DDX60: variants seen among roughly 807,000 people sequenced by gnomAD.
The protein encoded by DDX60 is DExD/H-box helicase 60.
A neutral mutation model predicts 212.8 loss-of-function variants in DDX60; 165 were observed. The observed-to-expected ratio is 0.78, with a 90% CI of 0.68 to 0.88. The LOEUF (loss-of-function observed/expected upper bound fraction) is 0.88. Ranked by LOEUF, DDX60 falls within the 40% of genes least tolerant of loss-of-function variation. The pLI, the probability that DDX60 is intolerant of heterozygous loss-of-function variation, is 0.00. For missense variants in DDX60, 1,905 were observed against 2,003.9 expected (o/e 0.95, Z 0.94); for synonymous variants, 703 against 685.3 (o/e 1.03, Z -0.40).
intron 30 of DDX60, among the ~76,000 whole-genome samples, chr4:168,239,598 G>A (rs1291957917): frequency 6.6e-6 from 1 of 152,104 alleles, no homozygotes; most frequent in Non-Finnish European, 1.5e-5. Context: ...GTGAGGGTAG[G>A]CTTCACTATG....
chr4:168,275,429 C>A lies in DDX60; in HGVS notation c.2220G>T (p.Leu740=), dbSNP rs555343743. The change falls in exon 16 of 38, where the codon CTG becomes CTT. Residue 740 remains leucine, a synonymous_variant. Transcript: ENST00000393743. ...GTATCAAATAATGGCCCATGTATTGCAGTTGGAACCGAGCTGGCCCAATGC... is the reference window on the plus strand; with the variant it reads ...GTATCAAATAATGGCCCATGTATTGAAGTTGGAACCGAGCTGGCCCAATGC... ...SVGIGPARFQ[L]QYMGHYLIRD... is the part of the protein sequence containing the mutation. 1 of 1,612,988 alleles carries A rather than the reference C, an allele frequency of 6.2e-7. No homozygotes were observed. The highest frequency in any genetic ancestry group is 2.2e-5 in the East Asian group (1 of 44,838).
In DDX60 at chr4:168,275,637, C is replaced by T. The variant is rs1346804950; in HGVS notation, c.2146-134G>A. ...CCTTTTAAATTTAAATTTTTTAAAT[C>T]ATTGTCTTAACTAGGTAAAATTAGT... On this transcript the variant is annotated intron_variant, in intron 15 of 37. Transcript: ENST00000393743. 3 of 770,982 alleles carry T rather than the reference C, an allele frequency of 3.9e-6. No homozygotes were observed. In the African/African-American group the frequency reaches 5.3e-5, roughly 14 times the overall value. 47.8% of individuals were successfully genotyped at this position (770,982 alleles called of 1,614,324 possible).
chr4:168,292,254 A>T (rs1736144042), intron 7 of DDX60, among the ~76,000 whole-genome samples: 1 of 151,908 alleles, frequency 6.6e-6, no homozygotes, highest in Non-Finnish European at 1.5e-5. Flanking sequence ...CACCATGGCC[A>T]GGCTGGTCTC....
intron 25 of DDX60, among the ~76,000 whole-genome samples, chr4:168,260,181 T>G (rs1217842907): frequency 6.6e-6 from 1 of 152,092 alleles, no homozygotes; most frequent in Non-Finnish European, 1.5e-5. Context: ...TTGTTACACA[T>G]GTATACATGT....
chr4:168,285,616 A>G, intron 10 of DDX60, 118 bp from the exon 11 acceptor site: 1 of 652,126 alleles, frequency 1.5e-6, no homozygotes, highest in Non-Finnish European at 2.6e-6. Context: ...TCTTATTTAC[A>G]TATATCAAGT....
chr4:168,302,463 T>A, intron 5 of DDX60, 47 bp from the exon 6 acceptor site: 1 of 835,378 alleles, frequency 1.2e-6, no homozygotes, highest in Non-Finnish European at 1.7e-6. Context: ...ATAAAATATG[T>A]AATTATTTTC....
At chr4:168,272,420 T>C (rs1184661093) in intron 18 of DDX60, among the ~76,000 whole-genome samples, 2 of 152,248 alleles carry the variant, frequency 1.3e-5, no homozygotes, top group African/African-American at 4.8e-5. Context: ...AATTATTCAT[T>C]GTCACAAGTT....
intron 17 of DDX60, among the ~76,000 whole-genome samples, 192 bp from the exon 18 acceptor site, chr4:168,273,590 T>G (rs1735196479): frequency 6.6e-6 from 1 of 152,156 alleles, no homozygotes; most frequent in African/African-American, 2.4e-5. Context: ...CAAATCTCAT[T>G]GATAAACCTC....
intron 14 of DDX60, among the ~76,000 whole-genome samples, chr4:168,278,317 AC>A (rs1417532652): frequency 6.6e-6 from 1 of 152,230 alleles, no homozygotes; most frequent in African/African-American, 2.4e-5. Flanking sequence ...AGTTTTGGAC[AC>A]AGTGTTTGAT....
At chr4:168,308,636 A>T (rs762783305) in intron 3 of DDX60, among the ~76,000 whole-genome samples, 1 of 149,810 alleles carries the variant, frequency 6.7e-6, no homozygotes, top group Non-Finnish European at 1.5e-5. Context: ...ATACATATAT[A>T]TAATAGTGTA....
In DDX60 at chr4:168,275,347, G is replaced by T. The variant is rs753972424; in HGVS notation, c.2302C>A (p.Gln768Lys). ...RVQDFIPDTW[Q>K]RELLDVVDKN... Reference sequence around the variant, plus strand: ...TTTTGTTTCATTTGCAGTATTACCTGCCATGTGTCGGGAATAAAATCCTGG... The same window carrying T: ...TTTTGTTTCATTTGCAGTATTACCTTCCATGTGTCGGGAATAAAATCCTGG... Residue 768 changes from glutamine to lysine, a missense_variant and splice_region_variant, in exon 16 of 38, where the codon CAG (glutamine) becomes AAG (lysine). Coordinates refer to ENST00000393743, the MANE Select transcript of DDX60 (RefSeq NM_017631.6). 10 of 1,603,006 alleles carry T rather than the reference G, an allele frequency of 6.2e-6. No individual in the cohort carries two copies. Among genetic ancestry groups the T allele is most frequent in the Non-Finnish European group, 8.5e-6 (10 of 1,175,428 alleles).
At chr4:168,279,365 A>C (rs1163859376) in intron 14 of DDX60, among the ~76,000 whole-genome samples, 1 of 152,224 alleles carries the variant, frequency 6.6e-6, no homozygotes, top group Non-Finnish European at 1.5e-5. Context: ...TTACCTCCAA[A>C]TACAAACTCA....
At chr4:168,292,049 CTT>C (rs772095573) in intron 7 of DDX60, 143 bp from the exon 8 acceptor site, 5,939 of 299,944 alleles carry the variant, frequency 0.02, no homozygotes, top group East Asian at 0.037. Context: ...TTCTTTCTTT[CTT>C]TTTTTTTTTT....
chr4:168,238,753 C>T (rs1280225831), intron 30 of DDX60, among the ~76,000 whole-genome samples: 1 of 152,052 alleles, frequency 6.6e-6, no homozygotes, highest in African/African-American at 2.4e-5. Context: ...ATATTAAAGT[C>T]ATACTAAGAT....
chr4:168,276,382 A>G (rs75716789), intron 14 of DDX60, among the ~76,000 whole-genome samples: 2,606 of 152,274 alleles, frequency 0.017, 126 homozygotes, highest in East Asian at 0.14. Context: ...AGATGTAGCT[A>G]TATCAGTGTT....
At chr4:168,282,211 C>T (rs1051871814) in intron 13 of DDX60, among the ~76,000 whole-genome samples, 1 of 152,176 alleles carries the variant, frequency 6.6e-6, no homozygotes, top group East Asian at 1.9e-4. Context: ...ACTGCTTAAA[C>T]TTTTGAAGCA....
Position 168,268,971 on chromosome 4 carries a change from T to C in DDX60, c.2671-2A>G. On this transcript the variant is annotated splice_acceptor_variant, in intron 19 of 37. Coordinates refer to ENST00000393743, the MANE Select transcript of DDX60 (RefSeq NM_017631.6). LOFTEE classifies it high-confidence loss of function. ...AATTTCTCCACCAAGACAATGAACC[T>C]ATTAAACAAAAAAAAAAAAATCTCA... The C allele has an allele frequency of 6.9e-7, 1 of 1,452,270 alleles. No homozygotes were observed. 90.0% of individuals were successfully genotyped at this position (1,452,270 alleles called of 1,614,324 possible).
chr4:168,224,110 T>C (rs936587502), intron 35 of DDX60, 133 bp downstream of exon 35: 22 of 908,362 alleles, frequency 2.4e-5, no homozygotes, highest in Non-Finnish European at 3.7e-5. Context: ...TTCCTGAATA[T>C]ATCTGTTGAT....
intron 8 of DDX60, 24 bp from the exon 9 acceptor site, chr4:168,288,339 G>A: frequency 7.0e-7 from 1 of 1,428,914 alleles, no homozygotes; most frequent in Non-Finnish European, 9.6e-7. Context: ...AGAAAACCAA[G>A]TTATTGGCAA....
Sources: allele counts gnomAD v4.1 joint callset (sites outside exome capture counted in the v4.1 genomes callset), GRCh38; gene constraint gnomAD v4.1.1; transcripts MANE v1.5; gene names NCBI Gene and HGNC (gene_info 2026-07-23, HGNC 2026-07-21).